MAN1A1: variants seen among roughly 807,000 people sequenced by gnomAD.
MAN1A1 encodes mannosyl-oligosaccharide 1,2-alpha-mannosidase IA.
In MAN1A1, 29 loss-of-function variants were observed where a neutral mutation model predicts 70.8. That is an observed-to-expected ratio of 0.41 (90% CI 0.31 to 0.56). The LOEUF (loss-of-function observed/expected upper bound fraction) is 0.56. Among genes scored for constraint, MAN1A1 ranks in the 20% least tolerant of loss-of-function variants. MAN1A1 has a pLI of 0.29. For missense variants in MAN1A1, 747 were observed against 841.3 expected, an observed-to-expected ratio of 0.89 and a Z score of 1.39; for synonymous variants, 349 against 330.1, an observed-to-expected ratio of 1.06 and a Z score of -0.62.
chr6:119,261,271 G>A lies in MAN1A1; in HGVS notation c.898-12917C>T, dbSNP rs552980053. Among the ~76,000 whole-genome samples the A allele has an allele frequency of 2.7e-3, 404 of 152,198 alleles. 15 individuals are homozygous for A. In the South Asian group the frequency reaches 0.081, roughly 31 times the overall value. On this transcript the variant is annotated intron_variant, in intron 5 of 12. Coordinates refer to ENST00000368468, the MANE Select transcript of MAN1A1 (RefSeq NM_005907.4). Reference sequence around the variant, plus strand: ...TGGGATTACAGGCGTGAGCCACTGCGCCCCGCCTATTGCTTTTTAAAGCTA... The same window carrying A: ...TGGGATTACAGGCGTGAGCCACTGCACCCCGCCTATTGCTTTTTAAAGCTA...
chr6:119,188,860 T>C (rs1773363614), intron 10 of MAN1A1, among the ~76,000 whole-genome samples: 1 of 152,214 alleles, frequency 6.6e-6, no homozygotes, highest in East Asian at 1.9e-4. Context: ...TGTTATACTG[T>C]ATTGTTTAGG....
intron 5 of MAN1A1, among the ~76,000 whole-genome samples, chr6:119,274,893 T>C (rs917228764): frequency 2.6e-5 from 4 of 152,188 alleles, no homozygotes; most frequent in African/African-American, 9.7e-5. Context: ...AAAATGAGAA[T>C]TTTTTCAATT....
At position 119,345,193 on chromosome 6, in the gene MAN1A1, G is replaced by C. The variant is rs553184158; in HGVS notation, c.603+3270C>G. The stretch of plus-strand genomic sequence containing the variant: ...AATTGAGAAAATGGGAGAGGTTGAG[G>C]GGGGGGCGGAGCGGGGGAGAAGGGA... On this transcript the variant is annotated intron_variant, in intron 2 of 12. Coordinates refer to ENST00000368468, the MANE Select transcript of MAN1A1 (RefSeq NM_005907.4). Among the ~76,000 whole-genome samples, 311 of 109,104 alleles carry C rather than the reference G, an allele frequency of 2.9e-3. 1 individual carries two copies. Among genetic ancestry groups the C allele is most frequent in the African/African-American group, 0.013 (281 of 22,182 alleles). The allele number at this position is 109,104 out of a possible 152,430, so 71.6% of individuals were successfully genotyped here.
intron 2 of MAN1A1, among the ~76,000 whole-genome samples, chr6:119,339,015 C>T (rs1359915680): frequency 6.6e-6 from 1 of 152,186 alleles, no homozygotes; most frequent in Non-Finnish European, 1.5e-5. Flanking sequence ...TCTCTATCTT[C>T]CTCCTTTCAA....
At chr6:119,337,026 A>C (rs755764535) in intron 2 of MAN1A1, among the ~76,000 whole-genome samples, 2 of 152,194 alleles carry the variant, frequency 1.3e-5, no homozygotes, top group Non-Finnish European at 2.9e-5. Flanking sequence ...TCGAGTGTTG[A>C]CCTTTAAAGG....
rs775026218 is a variant in MAN1A1, at chr6:119,201,264, C to A, written c.1200G>T (p.Gln400His). The A allele has an allele frequency of 2.5e-5, 41 of 1,612,264 alleles. No homozygotes were observed. The South Asian group carries it at 3.3e-4, about 13-fold the overall frequency. ...YPNYLNPSSGQWGQHHVSVGG... is the reference protein window; with the variant it reads ...YPNYLNPSSGHWGQHHVSVGG... ...AATCTTCTGACTTACGTTGACCCCA[C>A]TGTCCACTACTGGGATTCAGATAGT... is the stretch of plus-strand genomic sequence containing the variant. The change falls in exon 8 of 13, where the codon CAG becomes CAT. Residue 400 changes from glutamine (Q) to histidine (H), a missense_variant. By Grantham distance (24) the Gln-to-His change is conservative (BLOSUM62 0). Transcript: ENST00000368468.
chr6:119,314,194 G>A (rs1275898273), intron 2 of MAN1A1, among the ~76,000 whole-genome samples: 1 of 152,228 alleles, frequency 6.6e-6, no homozygotes, highest in East Asian at 1.9e-4. Context: ...TGCTCTGGTA[G>A]CAACATATGT....
At chr6:119,241,102 T>A (rs1438816465) in intron 6 of MAN1A1, among the ~76,000 whole-genome samples, 1 of 152,086 alleles carries the variant, frequency 6.6e-6, no homozygotes, top group Non-Finnish European at 1.5e-5. Context: ...GCTTATTTTT[T>A]CCCCTCTATG....
At chr6:119,242,860 C>T (rs1775049432) in intron 6 of MAN1A1, among the ~76,000 whole-genome samples, 1 of 151,860 alleles carries the variant, frequency 6.6e-6, no homozygotes. Flanking sequence ...AACTACATAC[C>T]ACTATTAAAA....
intron 5 of MAN1A1, among the ~76,000 whole-genome samples, chr6:119,254,775 C>G (rs927829892): frequency 5.9e-5 from 9 of 152,156 alleles, no homozygotes; most frequent in African/African-American, 2.2e-4. Context: ...TGATTACATT[C>G]ATAACAAAAG....
chr6:119,345,642 T>G (rs1232406449), intron 2 of MAN1A1, among the ~76,000 whole-genome samples: 1 of 152,176 alleles, frequency 6.6e-6, no homozygotes, highest in African/African-American at 2.4e-5. Flanking sequence ...AAATGTGCCA[T>G]AGATATAAAA....
chr6:119,216,946 T>A (rs1274566993), intron 6 of MAN1A1, among the ~76,000 whole-genome samples: 2 of 152,256 alleles, frequency 1.3e-5, no homozygotes, highest in African/African-American at 4.8e-5. Flanking sequence ...GGTTACTTAT[T>A]CAACATTTTT....
Position 119,290,701 on chromosome 6 carries a change from G to A in MAN1A1, c.879C>T (p.Tyr293=). ...ATCTTACCTCTTCTCCAGACAGATA[G>A]TAGGCTGAGAGTAGTCCACCAACAA... The part of the protein sequence containing the change: ...IRFVGGLLSA[Y]YLSGEEIFRK... Residue 293 remains tyrosine (Y), a synonymous_variant, in exon 5 of 13, where the codon TAC becomes TAT. Coordinates refer to ENST00000368468, the MANE Select transcript of MAN1A1 (RefSeq NM_005907.4). The A allele has an allele frequency of 6.2e-7, 1 of 1,610,106 alleles. No individual in the cohort carries two copies. The highest frequency in any genetic ancestry group is 8.5e-7 in the Non-Finnish European group (1 of 1,177,618).
At chr6:119,344,466 C>A (rs1773676726) in intron 2 of MAN1A1, among the ~76,000 whole-genome samples, 3 of 152,220 alleles carry the variant, frequency 2.0e-5, no homozygotes, top group Non-Finnish European at 2.9e-5. Context: ...CCTCCCTGCT[C>A]TGGGGAAGGG....
chr6:119,278,541 G>A (rs982871560), intron 5 of MAN1A1, among the ~76,000 whole-genome samples: 6 of 151,882 alleles, frequency 4.0e-5, no homozygotes, highest in Admixed American at 1.3e-4. Context: ...TCACTTCACC[G>A]GTACTTAGTT....
chr6:119,257,612 C>T (rs945879575), intron 5 of MAN1A1, among the ~76,000 whole-genome samples: 8 of 152,078 alleles, frequency 5.3e-5, no homozygotes, highest in Non-Finnish European at 1.2e-4. Flanking sequence ...AAAGTATATG[C>T]TTTTGTACAC....
chr6:119,215,175 T>C lies in MAN1A1; in HGVS notation c.993-10293A>G, dbSNP rs529144974. Among the ~76,000 whole-genome samples, 13 of 151,690 alleles carry C rather than the reference T, an allele frequency of 8.6e-5. No homozygotes were observed. The South Asian group carries it at 2.3e-3, about 27-fold the overall frequency. On this transcript the variant is annotated intron_variant, in intron 6 of 12. Transcript: ENST00000368468. ...GTAACAAACCTGCACGTTGTGTACATGTACCTTAAAACTTAAAGTATAAAA... is the reference window on the plus strand; with the variant it reads ...GTAACAAACCTGCACGTTGTGTACACGTACCTTAAAACTTAAAGTATAAAA...
intron 3 of MAN1A1, among the ~76,000 whole-genome samples, chr6:119,302,379 T>G (rs1449060536): frequency 6.6e-6 from 1 of 151,806 alleles, no homozygotes; most frequent in Non-Finnish European, 1.5e-5. Flanking sequence ...GTGATTGCAT[T>G]CTCTCTCTTT....
In MAN1A1 at chr6:119,179,613, A is replaced by C; in HGVS notation, c.*206T>G. On this transcript the variant is annotated 3_prime_UTR_variant, in exon 13 of 13. Coordinates refer to ENST00000368468, the MANE Select transcript of MAN1A1 (RefSeq NM_005907.4). Reference sequence around the variant, plus strand: ...AAAAACATAAACAAAAAACTGGTGGATACACTGGCTGAATTAATAAAGGAT... The same window carrying C: ...AAAAACATAAACAAAAAACTGGTGGCTACACTGGCTGAATTAATAAAGGAT... The C allele has an allele frequency of 2.8e-6, 1 of 356,696 alleles. No homozygotes were observed. The highest frequency in any genetic ancestry group is 5.2e-6 in the Non-Finnish European group (1 of 192,372). The allele number at this position is 356,696 out of a possible 1,614,324, so 22.1% of individuals were successfully genotyped here.
Sources: allele counts gnomAD v4.1 joint callset (sites outside exome capture counted in the v4.1 genomes callset), GRCh38; gene constraint gnomAD v4.1.1; transcripts MANE v1.5; gene names NCBI Gene and HGNC (gene_info 2026-07-23, HGNC 2026-07-21).